RBMS1: variants seen among roughly 807,000 people sequenced by gnomAD.
RBMS1 encodes the protein RNA-binding motif, single-stranded-interacting protein 1.
A neutral mutation model predicts 62.3 loss-of-function variants in RBMS1; 17 were observed. The ratio of observed to expected loss-of-function variants is 0.27; its 90% CI spans 0.19 to 0.41. The LOEUF (loss-of-function observed/expected upper bound fraction) is 0.41, where lower values mean the gene tolerates loss of function less well. Ranked by LOEUF, RBMS1 falls within the 10% of genes least tolerant of loss-of-function variation. The pLI is 1.00. For synonymous variants in RBMS1, 172 were observed against 170.0 expected (o/e 1.01, Z -0.09); for missense variants, 334 against 504.5 (o/e 0.66, Z 3.24).
At chr2:160,377,903 T>C (rs2105181391) in intron 1 of RBMS1, among the ~76,000 whole-genome samples, 1 of 152,294 alleles carries the variant, frequency 6.6e-6, no homozygotes, top group Non-Finnish European at 1.5e-5. Context: ...CCGACACTGC[T>C]GTCATAAAGC....
At chr2:160,395,913 C>T (rs1695114754) in intron 1 of RBMS1, among the ~76,000 whole-genome samples, 1 of 152,128 alleles carries the variant, frequency 6.6e-6, no homozygotes, top group African/African-American at 2.4e-5. Flanking sequence ...CCTCCAAAAT[C>T]CTCTTTTGTA....
At chr2:160,362,070 T>C (rs965813003) in intron 2 of RBMS1, among the ~76,000 whole-genome samples, 4 of 152,256 alleles carry the variant, frequency 2.6e-5, no homozygotes, top group African/African-American at 9.6e-5. Flanking sequence ...CAATGCTGTT[T>C]CATAGCATTG....
rs550964414 is a variant in RBMS1 at position 160,349,385 on chromosome 2, C to T, written c.251+17831G>A. 3.9e-5 allele frequency among the ~76,000 whole-genome samples: 6 copies of T among 152,132 alleles called. No homozygotes were observed. In the East Asian group the frequency reaches 1.2e-3, roughly 29 times the overall value. ...TGATGTGTTACAGAAATACACATAA[C>T]AATAAATAGATGAAAAAAATCCAGG... On this transcript the variant is annotated intron_variant, in intron 2 of 13. Transcript: ENST00000348849.
intron 1 of RBMS1, among the ~76,000 whole-genome samples, chr2:160,436,111 T>A (rs1683099883): frequency 6.6e-6 from 1 of 152,200 alleles, no homozygotes; most frequent in South Asian, 2.1e-4. Context: ...ATAGATAATC[T>A]CCAATGAGCC....
intron 1 of RBMS1, among the ~76,000 whole-genome samples, chr2:160,452,735 T>C (rs1022679584): frequency 9.2e-5 from 14 of 152,190 alleles, no homozygotes; most frequent in African/African-American, 3.4e-4. Context: ...AGCTAAGCAC[T>C]GGAGGGTATA....
At chr2:160,424,792 G>C (rs1055543608) in intron 1 of RBMS1, among the ~76,000 whole-genome samples, 1 of 151,972 alleles carries the variant, frequency 6.6e-6, no homozygotes. Flanking sequence ...AAAAATAAAA[G>C]GCAGCAAAGG....
chr2:160,442,510 G>T (rs1034905164), intron 1 of RBMS1, among the ~76,000 whole-genome samples: 2 of 152,124 alleles, frequency 1.3e-5, no homozygotes, highest in Admixed American at 1.3e-4. Context: ...CAACATTCTA[G>T]TAGAACTAGC....
chr2:160,332,744 G>C (rs964977383), intron 2 of RBMS1, among the ~76,000 whole-genome samples: 13 of 152,060 alleles, frequency 8.5e-5, no homozygotes, highest in African/African-American at 3.1e-4. Flanking sequence ...TCCTCCAAGG[G>C]GAGCTGAGAT....
chr2:160,283,671 C>T (rs750472452), intron 9 of RBMS1: 25 of 152,082 alleles, frequency 1.6e-4, no homozygotes, highest in Non-Finnish European at 2.9e-4. Flanking sequence ...ATTATTTAAA[C>T]GTATAACTAA....
At chr2:160,354,648 C>A (rs1320110879) in intron 2 of RBMS1, among the ~76,000 whole-genome samples, 1 of 152,088 alleles carries the variant, frequency 6.6e-6, no homozygotes, top group African/African-American at 2.4e-5. Flanking sequence ...CTTTGTAAAT[C>A]TGGAAATCTA....
chr2:160,311,232 C>CTATATATA (rs10530445), intron 4 of RBMS1, among the ~76,000 whole-genome samples: 977 of 79,136 alleles, frequency 0.012, 24 homozygotes, highest in South Asian at 0.033. Flanking sequence ...ATCTATCTAT[C>CTATATATA]TATATATATA....
At chr2:160,300,120 T>C (rs1006532743) in intron 6 of RBMS1, among the ~76,000 whole-genome samples, 1 of 152,130 alleles carries the variant, frequency 6.6e-6, no homozygotes, top group Non-Finnish European at 1.5e-5. Flanking sequence ...GAATAAACAG[T>C]GAAAAGAGAA....
intron 6 of RBMS1, among the ~76,000 whole-genome samples, chr2:160,300,321 A>T (rs1689142416): frequency 1.3e-5 from 2 of 152,190 alleles, no homozygotes; most frequent in South Asian, 4.1e-4. Context: ...ATAGAAAGGT[A>T]CCACAGTGCT....
chr2:160,284,628 A>T (rs918852102), intron 9 of RBMS1, 147 bp downstream of exon 9: 6 of 675,400 alleles, frequency 8.9e-6, no homozygotes, highest in African/African-American at 1.8e-5. Flanking sequence ...CCAAATACAA[A>T]GCAGCTCATA....
At chr2:160,406,306 A>G (rs1001288571) in intron 1 of RBMS1, among the ~76,000 whole-genome samples, 2 of 152,216 alleles carry the variant, frequency 1.3e-5, no homozygotes, top group Non-Finnish European at 2.9e-5. Flanking sequence ...GGACATACAC[A>G]CAAAAAAGAA....
At chr2:160,461,297 GAAAA>G (rs1258737015) in intron 1 of RBMS1, among the ~76,000 whole-genome samples, 2 of 151,852 alleles carry the variant, frequency 1.3e-5, no homozygotes, top group Admixed American at 1.3e-4. Flanking sequence ...GAGAGAAAGA[GAAAA>G]GAAAGAAAGA....
At chr2:160,326,065 T>C (rs1168765708) in intron 2 of RBMS1, among the ~76,000 whole-genome samples, 4 of 152,172 alleles carry the variant, frequency 2.6e-5, no homozygotes, top group African/African-American at 7.2e-5. Flanking sequence ...CTGGTGTATG[T>C]AGCTGGAATT....
At chr2:160,484,587 T>C (rs116200987) in intron 1 of RBMS1, among the ~76,000 whole-genome samples, 3,239 of 147,468 alleles carry the variant, frequency 0.022, 62 homozygotes, top group Non-Finnish European at 0.031. Context: ...TTACGAAGCA[T>C]TGGCCGGGCG....
intron 2 of RBMS1, among the ~76,000 whole-genome samples, chr2:160,357,510 A>G (rs888202711): frequency 1.3e-5 from 2 of 152,082 alleles, no homozygotes; most frequent in Non-Finnish European, 2.9e-5. Context: ...CTGTCAAAAT[A>G]TCAAATGCAT....
Sources: gnomAD v4.1 joint callset for allele counts (sites outside exome capture counted in the v4.1 genomes callset) on GRCh38, gnomAD v4.1.1 for gene constraint, MANE v1.5 for transcripts, NCBI Gene and HGNC (gene_info 2026-07-23, HGNC 2026-07-21) for gene names.